The following SYN3 variants were observed in gnomAD, a reference collection of about 807,000 sequenced individuals.
The protein encoded by SYN3 is synapsin-3.
In SYN3, 35 loss-of-function variants were observed where a neutral mutation model predicts 65.8. That is an observed-to-expected ratio of 0.53 (90% CI 0.41 to 0.70). SYN3 has a LOEUF of 0.70. Among genes scored for constraint, SYN3 ranks in the 30% least tolerant of loss-of-function variants. The pLI is 0.00. For synonymous variants in SYN3, 270 were observed against 292.9 expected (o/e 0.92, Z 0.80); for missense variants, 680 against 749.0 (o/e 0.91, Z 1.08).
intron 6 of SYN3, chr22:32,849,356 C>G: frequency 9.7e-7 from 1 of 1,032,500 alleles, no homozygotes; most frequent in Non-Finnish European, 1.5e-6. Context: ...AGTGCAATTC[C>G]AGGCTCCACA....
intron 1 of SYN3, among the ~76,000 whole-genome samples, chr22:33,054,382 TTTTG>T (rs753741725): frequency 8.5e-5 from 13 of 152,316 alleles, no homozygotes; most frequent in Middle Eastern, 3.4e-3. Context: ...TCCACCCAAC[TTTTG>T]TTTGTTTGTT....
chr22:32,715,648 C>T (rs956965908), intron 6 of SYN3, among the ~76,000 whole-genome samples: 3 of 151,860 alleles, frequency 2.0e-5, no homozygotes, highest in East Asian at 1.9e-4. Context: ...AGCATGGTGG[C>T]GGGCGCCTGT....
chr22:32,645,939 G>A (rs2059977966), intron 6 of SYN3, among the ~76,000 whole-genome samples: 1 of 152,064 alleles, frequency 6.6e-6, no homozygotes, highest in Non-Finnish European at 1.5e-5. Flanking sequence ...CCCACTTCTG[G>A]CACGTGAGCC....
intron 2 of SYN3, among the ~76,000 whole-genome samples, chr22:33,001,679 C>T (rs1315635170): frequency 6.6e-6 from 1 of 152,158 alleles, no homozygotes; most frequent in African/African-American, 2.4e-5. Context: ...TACTGTCTAC[C>T]AGGCACATCC....
chr22:32,941,179 GC>G (rs1164690653), intron 3 of SYN3, among the ~76,000 whole-genome samples: 4 of 152,278 alleles, frequency 2.6e-5, no homozygotes, highest in Non-Finnish European at 5.9e-5. Context: ...AGTATGGTCA[GC>G]TGGTTGAGAG....
chr22:32,595,253 T>C (rs1412691736), intron 7 of SYN3, among the ~76,000 whole-genome samples: 1 of 152,186 alleles, frequency 6.6e-6, no homozygotes, highest in Non-Finnish European at 1.5e-5. Context: ...TTGGGGATGG[T>C]GAGCTTAGGG....
At chr22:32,526,092 G>C (rs1394046388) in intron 12 of SYN3, among the ~76,000 whole-genome samples, 2 of 152,120 alleles carry the variant, frequency 1.3e-5, no homozygotes, top group African/African-American at 2.4e-5. Flanking sequence ...TTATCATTAA[G>C]GTATGTACTT....
At chr22:32,566,392 G>T (rs1330854822) in intron 7 of SYN3, among the ~76,000 whole-genome samples, 4 of 152,126 alleles carry the variant, frequency 2.6e-5, no homozygotes, top group Non-Finnish European at 4.4e-5. Context: ...GAGAGAGGGG[G>T]CAAGGTCAGA....
rs934008030 is a variant in SYN3, at chr22:32,642,590, C to CG, written c.712-45855_712-45854insC. On this transcript the variant is annotated intron_variant, in intron 6 of 13. Transcript: ENST00000358763. ...CCGAGTAGCTGGGACTACAGGCGCCCCCACCACGCCTGGCTAATTTTTTGT... is the reference window on the plus strand; with the variant it reads ...CCGAGTAGCTGGGACTACAGGCGCCCGCCACCACGCCTGGCTAATTTTTTGT... 3.4e-3 allele frequency among the ~76,000 whole-genome samples: 515 copies of CG among 151,988 alleles called. 2 individuals are homozygous for CG. Among genetic ancestry groups the CG allele is most frequent in the Admixed American group, 9.1e-3 (139 of 15,280 alleles).
rs5845032 is a variant in SYN3, at chr22:32,786,018, G to GA, written c.711+78896dup. ...CAAAGAAGAAGAAGAAGAAGAAGAA[G>GA]AAAAAAAAAATACAGCATTCTAGCA... On this transcript the variant is annotated intron_variant, in intron 6 of 13. Transcript: ENST00000358763. Among the ~76,000 whole-genome samples the GA allele has an allele frequency of 7.5e-4, 101 of 134,852 alleles. 1 individual carries two copies. The highest frequency in any genetic ancestry group is 8.1e-4 in the Non-Finnish European group (49 of 60,496). 88.5% of individuals were successfully genotyped at this position (134,852 alleles called of 152,430 possible).
At chr22:32,715,744 A>G (rs2061029216) in intron 6 of SYN3, among the ~76,000 whole-genome samples, 1 of 141,932 alleles carries the variant, frequency 7.0e-6, no homozygotes, top group African/African-American at 2.7e-5. Flanking sequence ...GTGCCACTGC[A>G]CTCCTGCCTG....
At chr22:32,651,861 G>C (rs1450583843) in intron 6 of SYN3, among the ~76,000 whole-genome samples, 1 of 152,166 alleles carries the variant, frequency 6.6e-6, no homozygotes, top group Non-Finnish European at 1.5e-5. Flanking sequence ...GTTCCACCAT[G>C]AGCCAATGTG....
chr22:32,876,595 TAA>T (rs34952677), intron 4 of SYN3, among the ~76,000 whole-genome samples: 79 of 139,174 alleles, frequency 5.7e-4, no homozygotes, highest in Admixed American at 1.1e-3. Context: ...CCTGCATTGT[TAA>T]AAAAAAAAAA....
chr22:32,637,198 T>G (rs2059828864), intron 6 of SYN3, among the ~76,000 whole-genome samples: 1 of 152,192 alleles, frequency 6.6e-6, no homozygotes, highest in African/African-American at 2.4e-5. Context: ...AGAGAACCAA[T>G]GTCTGGAGCC....
chr22:32,816,221 G>C (rs918020419), intron 6 of SYN3, among the ~76,000 whole-genome samples: 1 of 152,134 alleles, frequency 6.6e-6, no homozygotes, highest in Non-Finnish European at 1.5e-5. Context: ...GGGGGTAGGG[G>C]GGAGGCCAGA....
intron 2 of SYN3, among the ~76,000 whole-genome samples, chr22:33,001,734 A>G (rs576351660): frequency 6.6e-6 from 1 of 152,326 alleles, no homozygotes; most frequent in African/African-American, 2.4e-5. Context: ...ACTTACATAC[A>G]TTAACTCTAT....
chr22:32,990,583 A>C (rs1236225406), intron 2 of SYN3, among the ~76,000 whole-genome samples: 1 of 152,162 alleles, frequency 6.6e-6, no homozygotes, highest in African/African-American at 2.4e-5. Flanking sequence ...GCACTGAACA[A>C]AACAGCCCCC....
At chr22:33,027,334 C>T (rs918504598) in intron 1 of SYN3, among the ~76,000 whole-genome samples, 1 of 152,102 alleles carries the variant, frequency 6.6e-6, no homozygotes, top group Non-Finnish European at 1.5e-5. Context: ...CGGTGACTCA[C>T]GCCTGTAATC....
At chr22:32,739,637 C>T (rs2061379758) in intron 6 of SYN3, among the ~76,000 whole-genome samples, 1 of 152,204 alleles carries the variant, frequency 6.6e-6, no homozygotes, top group Non-Finnish European at 1.5e-5. Context: ...TGAGAATTAG[C>T]TGCTTCCCTG....
Sources: gnomAD v4.1 joint callset for allele counts (sites outside exome capture counted in the v4.1 genomes callset) on GRCh38, gnomAD v4.1.1 for gene constraint, MANE v1.5 for transcripts, NCBI Gene and HGNC (gene_info 2026-07-23, HGNC 2026-07-21) for gene names.